ARAP2: variants seen among roughly 807,000 people sequenced by gnomAD.
ARAP2 encodes the protein arf-GAP with Rho-GAP domain, ANK repeat and PH domain-containing protein 2.
ARAP2 carries 148 observed loss-of-function variants against 194.5 expected under a neutral mutation model. The ratio of observed to expected loss-of-function variants is 0.76; its 90% CI spans 0.67 to 0.87. The LOEUF (loss-of-function observed/expected upper bound fraction) is 0.87. Among genes scored for constraint, ARAP2 ranks in the 40% least tolerant of loss-of-function variants. The pLI, the probability that ARAP2 is intolerant of heterozygous loss-of-function variation, is 0.00. For missense variants in ARAP2, 2,128 were observed against 1,989.7 expected (o/e 1.07, Z -1.32); for synonymous variants, 695 against 683.5 (o/e 1.02, Z -0.26).
chr4:36,229,033 C>G lies in ARAP2; in HGVS notation c.454G>C (p.Asp152His). 1 of 1,614,000 alleles carries G rather than the reference C, an allele frequency of 6.2e-7. No homozygotes were observed. Among genetic ancestry groups the G allele is most frequent in the Non-Finnish European group, 8.5e-7 (1 of 1,179,988 alleles). ...TGTGGTTCCTCTGCAGTGGGGAAGT[C>G]GCGTTTAGGAGGAGACAGCTTATCA... ...SDDKLSPPKR[D>H]FPTAEEPHLN... is the part of the protein sequence containing the mutation. The change falls in exon 2 of 33, where the codon GAC (aspartate) becomes CAC (histidine). Residue 152 changes from aspartate to histidine, a missense_variant. Transcript: ENST00000303965.
At chr4:36,155,164 C>T (rs967065759) in intron 15 of ARAP2, among the ~76,000 whole-genome samples, 1 of 152,228 alleles carries the variant, frequency 6.6e-6, no homozygotes, top group African/African-American at 2.4e-5. Flanking sequence ...TTATCATGTC[C>T]TACCATGTGC....
intron 1 of ARAP2, 43 bp downstream of exon 1, chr4:36,244,116 AGGGTCCTCCCACCCCCGCGT>A (rs1182073343): frequency 3.3e-5 from 5 of 152,174 alleles, no homozygotes; most frequent in Non-Finnish European, 7.4e-5. Context: ...CCCTCCAGAC[AGGGTCCTCCCACCCCCGCGT>A]GGGCCATCCC....
intron 2 of ARAP2, among the ~76,000 whole-genome samples, chr4:36,224,314 C>T (rs1454740279): frequency 7.9e-6 from 1 of 126,130 alleles, no homozygotes; most frequent in Admixed American, 7.4e-5. Context: ...AAAAAAAAAA[C>T]ACAATCATTA....
At chr4:36,209,268 C>A in intron 6 of ARAP2, 1 of 351,318 alleles carries the variant, frequency 2.8e-6, no homozygotes. Context: ...TCCACATGTT[C>A]GACATCTGAA....
At position 36,112,719 on chromosome 4, in the gene ARAP2, C is replaced by T. The variant is rs191326277; in HGVS notation, c.4156+1451G>A. 3.3e-5 allele frequency among the ~76,000 whole-genome samples: 5 copies of T among 151,118 alleles called. No individual in the cohort carries two copies. In the East Asian group the frequency reaches 7.8e-4, roughly 24 times the overall value. ...AAAAAAAAAAACAGAATTGCTCCTA[C>T]TTTCCAAGGAACTCCCATCAAAAGA... On this transcript the variant is annotated intron_variant, in intron 26 of 32. Coordinates refer to ENST00000303965, the MANE Select transcript of ARAP2 (RefSeq NM_015230.4).
intron 10 of ARAP2, among the ~76,000 whole-genome samples, chr4:36,165,348 C>T (rs1196415369): frequency 6.6e-6 from 1 of 152,150 alleles, no homozygotes; most frequent in Non-Finnish European, 1.5e-5. Context: ...AATTAACATA[C>T]ACATTTTCTA....
chr4:36,076,424 C>G (rs376355067), intron 31 of ARAP2, among the ~76,000 whole-genome samples: 4 of 152,212 alleles, frequency 2.6e-5, no homozygotes, highest in African/African-American at 9.6e-5. Context: ...CTACCTTCAC[C>G]TCTATCTAGT....
Position 36,068,262 on chromosome 4 carries a change from A to C in ARAP2, c.4760T>G (p.Leu1587Arg), listed in dbSNP as rs140494209. The change falls in exon 33 of 33, where the codon CTT becomes CGT. Residue 1587 changes from leucine to arginine, a missense_variant. Transcript: ENST00000303965. ...CTTTTCACTGAGCCGCAGCCTTTCA[A>C]GTTCTGCTCTTGCACTCTAAAAATA... ...RKNIESARAE[L>R]ERLRLSEKCD... is the part of the protein sequence containing the mutation. The C allele has an allele frequency of 1.4e-5, 22 of 1,555,190 alleles. No individual in the cohort carries two copies. Among genetic ancestry groups the C allele is most frequent in the Non-Finnish European group, 1.9e-5 (22 of 1,153,510 alleles).
chr4:36,098,069 T>C (rs989273081), intron 27 of ARAP2, among the ~76,000 whole-genome samples: 4 of 151,906 alleles, frequency 2.6e-5, no homozygotes, highest in Non-Finnish European at 5.9e-5. Flanking sequence ...AAAAAAATAG[T>C]TTTTCTAAGC....
At chr4:36,041,354 TA>T (rs1197207264) in intron 5 of ARAP2, among the ~76,000 whole-genome samples, 2 of 151,742 alleles carry the variant, frequency 1.3e-5, no homozygotes, top group South Asian at 2.1e-4. Flanking sequence ...ACAAGCCCAT[TA>T]AAAAGAGGGA....
intron 1 of ARAP2, among the ~76,000 whole-genome samples, chr4:36,233,659 C>T (rs1337721294): frequency 6.6e-6 from 1 of 152,176 alleles, no homozygotes; most frequent in Non-Finnish European, 1.5e-5. Flanking sequence ...ACTTCCTTTC[C>T]CATAAAATGG....
chr4:36,031,517 T>G (rs1184054549), intron 5 of ARAP2, among the ~76,000 whole-genome samples: 2 of 152,144 alleles, frequency 1.3e-5, no homozygotes, highest in Non-Finnish European at 2.9e-5. Flanking sequence ...ATTGGCAACA[T>G]TACAAAGTTA....
chr4:36,156,794 A>G (rs1191446366), intron 15 of ARAP2, among the ~76,000 whole-genome samples: 1 of 152,246 alleles, frequency 6.6e-6, no homozygotes, highest in African/African-American at 2.4e-5. Flanking sequence ...AATCATTGCT[A>G]TTGAATTATA....
intron 8 of ARAP2, among the ~76,000 whole-genome samples, chr4:36,184,910 C>T (rs974111668): frequency 6.6e-6 from 1 of 152,208 alleles, no homozygotes; most frequent in East Asian, 1.9e-4. Flanking sequence ...AAATGGAACT[C>T]TCATATCAAG....
chr4:36,092,103 T>C (rs1279110083), intron 27 of ARAP2, 83 bp from the exon 28 acceptor site: 24 of 1,387,202 alleles, frequency 1.7e-5, no homozygotes, highest in Non-Finnish European at 2.2e-5. Flanking sequence ...TATATTGTCA[T>C]ATAGAAAAAA....
chr4:36,082,596 G>C (rs994603360), intron 29 of ARAP2, among the ~76,000 whole-genome samples: 1 of 152,100 alleles, frequency 6.6e-6, no homozygotes, highest in African/African-American at 2.4e-5. Flanking sequence ...AATATAGAGA[G>C]ATGTACGGTT....
At chr4:36,205,741 G>A (rs1745406198) in intron 6 of ARAP2, among the ~76,000 whole-genome samples, 1 of 152,196 alleles carries the variant, frequency 6.6e-6, no homozygotes, top group African/African-American at 2.4e-5. Flanking sequence ...CTAAGAAGTT[G>A]AGTCACACAG....
At chr4:36,053,593 G>A (rs563651293) in intron 2 of ARAP2, among the ~76,000 whole-genome samples, 1 of 152,036 alleles carries the variant, frequency 6.6e-6, no homozygotes, top group Non-Finnish European at 1.5e-5. Flanking sequence ...CAACTCCTGG[G>A]CTTCTAGATT....
chr4:36,144,485 G>A (rs1313114702), intron 19 of ARAP2, among the ~76,000 whole-genome samples: 1 of 151,630 alleles, frequency 6.6e-6, no homozygotes, highest in Non-Finnish European at 1.5e-5. Flanking sequence ...TCATCATCTA[G>A]TAACAAAAAT....
Sources: gnomAD v4.1 joint callset for allele counts (sites outside exome capture counted in the v4.1 genomes callset) on GRCh38, gnomAD v4.1.1 for gene constraint, MANE v1.5 for transcripts, NCBI Gene and HGNC (gene_info 2026-07-23, HGNC 2026-07-21) for gene names.